Variants in CDKL3 observed in about 807,000 individuals in gnomAD.
CDKL3 encodes the protein cyclin-dependent kinase-like 3.
In CDKL3, 65 loss-of-function variants were observed where a neutral mutation model predicts 69.3. The ratio of observed to expected loss-of-function variants is 0.94; its 90% CI spans 0.77 to 1.15. CDKL3 has a LOEUF of 1.15. Among genes scored for constraint, CDKL3 ranks in the 50% most tolerant of loss-of-function variants. The pLI is 0.00. For missense variants in CDKL3, 652 were observed against 689.2 expected, an observed-to-expected ratio of 0.95 and a Z score of 0.61; for synonymous variants, 202 against 221.6, an observed-to-expected ratio of 0.91 and a Z score of 0.79.
At position 134,350,272 on chromosome 5, in the gene CDKL3, T is replaced by C; in HGVS notation, c.516A>G (p.Val172=). ...ATRWYRAPEL[V]LKDTSYGKPV... The stretch of plus-strand genomic sequence containing the variant: ...ACTTTCCATAAGAAGTATCTTTTAA[T>C]ACTAATTCGGGAGCTCTATACCAGC... The change falls in exon 4 of 13, where the codon GTA becomes GTG. Residue 172 remains valine (V), a synonymous_variant. Coordinates refer to ENST00000265334, the MANE Select transcript of CDKL3 (RefSeq NM_001113575.2). The C allele has an allele frequency of 6.3e-7, 1 of 1,582,588 alleles. No homozygotes were observed. Among genetic ancestry groups the C allele is most frequent in the Non-Finnish European group, 8.6e-7 (1 of 1,164,950 alleles).
intron 4 of CDKL3, among the ~76,000 whole-genome samples, chr5:134,331,764 C>T (rs905476405): frequency 5.3e-5 from 8 of 152,168 alleles, no homozygotes; most frequent in African/African-American, 1.4e-4. Flanking sequence ...AATAAACATA[C>T]GTGTGCATGT....
intron 4 of CDKL3, among the ~76,000 whole-genome samples, chr5:134,335,841 T>C (rs1776969522): frequency 6.6e-6 from 1 of 152,202 alleles, no homozygotes; most frequent in Admixed American, 6.5e-5. Context: ...TGGTGTTCTC[T>C]GTATTTCCAA....
intron 4 of CDKL3, among the ~76,000 whole-genome samples, chr5:134,325,378 A>G (rs1234375795): frequency 6.6e-6 from 1 of 152,240 alleles, no homozygotes; most frequent in African/African-American, 2.4e-5. Flanking sequence ...CATAGATGAT[A>G]TAATAGTAAC....
chr5:134,347,472 A>G (rs543639870), intron 4 of CDKL3, among the ~76,000 whole-genome samples: 2 of 152,296 alleles, frequency 1.3e-5, no homozygotes, highest in Admixed American at 6.5e-5. Flanking sequence ...AGCATTACCC[A>G]TAATAGCTAA....
intron 6 of CDKL3, among the ~76,000 whole-genome samples, chr5:134,318,817 AATAGAG>A (rs1444850815): frequency 1.3e-5 from 2 of 152,124 alleles, no homozygotes; most frequent in Non-Finnish European, 2.9e-5. Flanking sequence ...TTATCATTAA[AATAGAG>A]ATAAATTAAA....
chr5:134,339,327 A>G (rs548560472), intron 4 of CDKL3, among the ~76,000 whole-genome samples: 30 of 152,346 alleles, frequency 2.0e-4, no homozygotes, highest in African/African-American at 7.2e-4. Context: ...TACAAACATT[A>G]TAAGTAAAGG....
chr5:134,289,531 T>G (rs933967142), intron 8 of CDKL3, among the ~76,000 whole-genome samples: 1 of 152,186 alleles, frequency 6.6e-6, no homozygotes, highest in Non-Finnish European at 1.5e-5. Context: ...TCCTGAGACT[T>G]TGGAGGAAAC....
At chr5:134,283,945 T>C (rs1214275634), downstream of CDKL3, among the ~76,000 whole-genome samples, 1 of 152,148 alleles carries the variant, frequency 6.6e-6, no homozygotes, top group African/African-American at 2.4e-5. Context: ...CAAAATCCAG[T>C]GGAGCAGTCA....
rs1040666999 is a variant in CDKL3, at chr5:134,299,788, A to C, written c.1720-1078T>G. 65 of 1,331,604 alleles carry C rather than the reference A, an allele frequency of 4.9e-5. No homozygotes were observed. In the East Asian group the frequency reaches 1.6e-3, roughly 33 times the overall value. The allele number at this position is 1,331,604 out of a possible 1,614,324, so 82.5% of individuals were successfully genotyped here. On this transcript the variant is annotated intron_variant, in intron 12 of 12. Transcript: ENST00000265334. Reference sequence around the variant, plus strand: ...TAGAAACAGGTCTTTAATTGAGGACATGGTGAGTCTTTGGCTAAGGAAATA... The same window carrying C: ...TAGAAACAGGTCTTTAATTGAGGACCTGGTGAGTCTTTGGCTAAGGAAATA...
intron 8 of CDKL3, among the ~76,000 whole-genome samples, chr5:134,286,895 C>T (rs901729569): frequency 1.3e-5 from 2 of 152,090 alleles, no homozygotes; most frequent in Non-Finnish European, 1.5e-5. Context: ...GAAGAAACAG[C>T]AAAATGATAA....
chr5:134,285,096 C>A (rs1269786293), downstream of CDKL3, among the ~76,000 whole-genome samples: 1 of 152,206 alleles, frequency 6.6e-6, no homozygotes, highest in East Asian at 1.9e-4. Flanking sequence ...TCTGCCATGG[C>A]TTCAGCCGGT....
At chr5:134,343,272 T>C (rs1009317983) in intron 4 of CDKL3, among the ~76,000 whole-genome samples, 13 of 151,660 alleles carry the variant, frequency 8.6e-5, no homozygotes, top group African/African-American at 2.2e-4. Flanking sequence ...TGGAACAGAA[T>C]TGAGATTCTA....
chr5:134,308,060 C>T (rs1166824011), intron 9 of CDKL3, 78 bp downstream of exon 9: 1 of 1,481,802 alleles, frequency 6.7e-7, no homozygotes, highest in African/African-American at 1.4e-5. Context: ...TACATACAGA[C>T]ACTATGAACA....
downstream of CDKL3, among the ~76,000 whole-genome samples, chr5:134,296,943 TTTTC>T (rs1383195655): frequency 6.8e-6 from 1 of 147,676 alleles, no homozygotes; most frequent in Non-Finnish European, 1.5e-5. Flanking sequence ...TTTCTTTTTC[TTTTC>T]TTTTCTTTTT....
chr5:134,364,359 C>A (rs1447317577), intron 2 of CDKL3, among the ~76,000 whole-genome samples: 1 of 152,154 alleles, frequency 6.6e-6, no homozygotes, highest in African/African-American at 2.4e-5. Flanking sequence ...CTTAAATGTA[C>A]TCCTGTCACC....
chr5:134,293,925 A>G (rs577435271), downstream of CDKL3, among the ~76,000 whole-genome samples: 4 of 152,156 alleles, frequency 2.6e-5, no homozygotes, highest in East Asian at 7.8e-4. Flanking sequence ...TTGGACAACA[A>G]AGCAAGACTC....
chr5:134,312,066 G>A (rs1769688797), intron 7 of CDKL3, among the ~76,000 whole-genome samples: 1 of 152,172 alleles, frequency 6.6e-6, no homozygotes, highest in Non-Finnish European at 1.5e-5. Context: ...AAAGTGCTGG[G>A]ATTACAGGTG....
intron 3 of CDKL3, among the ~76,000 whole-genome samples, chr5:134,352,173 T>C (rs951265197): frequency 1.8e-4 from 28 of 152,320 alleles, no homozygotes; most frequent in African/African-American, 6.5e-4. Context: ...TCACTTACCA[T>C]AACGTCCTCC....
intron 2 of CDKL3, among the ~76,000 whole-genome samples, chr5:134,365,136 C>T (rs1193804857): frequency 6.6e-6 from 1 of 152,016 alleles, no homozygotes; most frequent in Admixed American, 6.6e-5. Flanking sequence ...GCACCCGCCA[C>T]CTCGCCCGGC....
Sources: allele counts gnomAD v4.1 joint callset (sites outside exome capture counted in the v4.1 genomes callset), GRCh38; gene constraint gnomAD v4.1.1; transcripts MANE v1.5; gene names NCBI Gene and HGNC (gene_info 2026-07-23, HGNC 2026-07-21).